The following VWF variants were observed in gnomAD, a reference collection of about 807,000 sequenced individuals.
VWF encodes the protein von Willebrand factor, also known as Factor VIII related antigen.
A neutral mutation model predicts 308.6 loss-of-function variants in VWF; 176 were observed. That is an observed-to-expected ratio of 0.57 (90% CI 0.50 to 0.65). The LOEUF (loss-of-function observed/expected upper bound fraction) is 0.65. Ranked by LOEUF, VWF falls within the 30% of genes least tolerant of loss-of-function variation. The probability of loss-of-function intolerance (pLI) is 0.00; values close to 1 mark genes in which losing one functional copy is unlikely to be tolerated. For synonymous variants in VWF, 1,385 were observed against 1,443.4 expected (o/e 0.96, Z 0.92); for missense variants, 3,146 against 3,648.2 (o/e 0.86, Z 3.55).
chr12:6,068,240 G>A (rs756905889), intron 10 of VWF, among the ~76,000 whole-genome samples: 14 of 151,572 alleles, frequency 9.2e-5, no homozygotes, highest in Non-Finnish European at 1.5e-4. Context: ...TCACCTAATG[G>A]AAGCACATTA....
Position 6,063,678 on chromosome 12 carries a change from G to A in VWF, c.1432+568C>T, listed in dbSNP as rs1008087694. On this transcript the variant is annotated intron_variant, in intron 12 of 51. Coordinates refer to ENST00000261405, the MANE Select transcript of VWF (RefSeq NM_000552.5). This position sits in a 1 kb window ranked among gnomAD's most constrained non-coding sequence, Gnocchi z 4.9. ...CAGCAGTTGTGGAGAAGAAGGAAGA[G>A]TCTGAGAGCCACTTTGAGTGTGAAG... 2.0e-5 allele frequency among the ~76,000 whole-genome samples: 3 copies of A among 152,226 alleles called. No homozygotes were observed. Among genetic ancestry groups the A allele is most frequent in the African/African-American group, 7.2e-5 (3 of 41,446 alleles).
At chr12:6,089,746 T>A (rs1202206545) in intron 6 of VWF, among the ~76,000 whole-genome samples, 1 of 152,016 alleles carries the variant, frequency 6.6e-6, no homozygotes, top group Non-Finnish European at 1.5e-5. Context: ...CAAAATAAAA[T>A]GAGACCAAAA....
intron 43 of VWF, among the ~76,000 whole-genome samples, chr12:5,974,597 A>G (rs1392008631): frequency 6.6e-6 from 1 of 152,192 alleles, no homozygotes; most frequent in East Asian, 1.9e-4. Flanking sequence ...CATGAAACAC[A>G]AAGACCAACT....
Position 6,075,418 on chromosome 12 carries a change from G to A in VWF, c.791C>T (p.Ala264Val), listed in dbSNP as rs1468418538. The change falls in exon 7 of 52, where the codon GCC becomes GTC. Residue 264 changes from alanine to valine, a missense_variant. Physicochemically the swap from Ala to Val is moderately conservative, Grantham distance 64 (BLOSUM62 0). Coordinates refer to ENST00000261405, the MANE Select transcript of VWF (RefSeq NM_000552.5). This position sits in a 1 kb window ranked among gnomAD's most constrained non-coding sequence, Gnocchi z 4.7. ...GGCGTACTCCAGGAGGGCAGGGCAGGCGCACTCCAGCCCCCCAGCACACTC... is the reference window on the plus strand; with the variant it reads ...GGCGTACTCCAGGAGGGCAGGGCAGACGCACTCCAGCCCCCCAGCACACTC... ...LCECAGGLEC[A>V]CPALLEYART... is the part of the protein sequence containing the mutation. The A allele has an allele frequency of 6.2e-7, 1 of 1,614,030 alleles. No individual in the cohort carries two copies. Among genetic ancestry groups the A allele is most frequent in the African/African-American group, 1.3e-5 (1 of 74,900 alleles).
intron 32 of VWF, among the ~76,000 whole-genome samples, chr12:6,012,392 C>T (rs562095723): frequency 7.2e-5 from 11 of 152,332 alleles, no homozygotes; most frequent in Non-Finnish European, 1.5e-4. Flanking sequence ...CTTACGCTGT[C>T]ATTATCTTGG....
At chr12:6,064,126 C>T in intron 12 of VWF, 120 bp downstream of exon 12, 11 of 1,526,500 alleles carry the variant, frequency 7.2e-6, no homozygotes, top group Admixed American at 1.7e-5. Context: ...AATAACTCTC[C>T]ATCACATTCC....
chr12:6,078,040 T>C (rs910935674), intron 6 of VWF, among the ~76,000 whole-genome samples: 1 of 152,026 alleles, frequency 6.6e-6, no homozygotes, highest in Non-Finnish European at 1.5e-5. Flanking sequence ...TGATGACCCC[T>C]ATCATCATCA....
Position 5,983,220 on chromosome 12 carries a change from C to G in VWF, c.7011G>C (p.Val2337=), listed in dbSNP as rs1191078422. ...CDPVSCDLPP[V]PHCERGLQPT... is the part of the protein sequence containing the mutation. ...GCTGGAGGCCACGTTCACAGTGAGG[C>G]ACTGGGGGCAGGTCACAGCTCACTG... Residue 2337 remains valine, a synonymous_variant, in exon 41 of 52, where the codon GTG becomes GTC. Coordinates refer to ENST00000261405, the MANE Select transcript of VWF (RefSeq NM_000552.5). The G allele has an allele frequency of 6.2e-7, 1 of 1,613,954 alleles. No individual in the cohort carries two copies. The highest frequency in any genetic ancestry group is 8.5e-7 in the Non-Finnish European group (1 of 1,180,004).
At chr12:6,025,314 T>G (rs945150274) in intron 24 of VWF, among the ~76,000 whole-genome samples, 66 of 152,342 alleles carry the variant, frequency 4.3e-4, no homozygotes, top group African/African-American at 1.6e-3. Flanking sequence ...AGACTGGGGC[T>G]GAAAGAGAAG....
chr12:6,092,614 T>TGAGAGAGAGAGAGAGAGAGAGA lies in VWF; in HGVS notation c.657+2845_657+2846insTCTCTCTCTCTCTCTCTCTCTC, dbSNP rs1555073700. The stretch of plus-strand genomic sequence containing the variant: ...CATGCCCAGCTAGTTAGTGAGTGAG[T>TGAGAGAGAGAGAGAGAGAGAGA]GAGAGTGTGTGTGTGTGTGTGTGTG... On this transcript the variant is annotated intron_variant, in intron 6 of 51. Transcript: ENST00000261405. Among the ~76,000 whole-genome samples, 113 of 86,018 alleles carry TGAGAGAGAGAGAGAGAGAGAGA rather than the reference T, an allele frequency of 1.3e-3. 5 individuals are homozygous for TGAGAGAGAGAGAGAGAGAGAGA. Among genetic ancestry groups the TGAGAGAGAGAGAGAGAGAGAGA allele is most frequent in the African/African-American group, 6.3e-3 (108 of 17,206 alleles). 56.4% of individuals were successfully genotyped at this position (86,018 alleles called of 152,430 possible).
intron 34 of VWF, among the ~76,000 whole-genome samples, chr12:6,005,186 A>T (rs992064903): frequency 1.3e-5 from 2 of 152,214 alleles, no homozygotes; most frequent in African/African-American, 4.8e-5. Flanking sequence ...GCCTTTAATG[A>T]CAAAATATTA....
intron 20 of VWF, among the ~76,000 whole-genome samples, chr12:6,034,227 C>T (rs1295651381): frequency 3.9e-5 from 6 of 152,200 alleles, no homozygotes; most frequent in Admixed American, 6.5e-5. Flanking sequence ...TTCAACCATC[C>T]CCCTGTCCAG....
rs216901 is a variant in VWF, at chr12:5,995,702, G to A, written c.6063+300C>T. On this transcript the variant is annotated intron_variant, in intron 35 of 51. Transcript: ENST00000261405. ...ATTGGACTCATAATACCTTCCGAGT[G>A]AACAATCCTGATGCCAATCCCAATT... Among the ~76,000 whole-genome samples the A allele has an allele frequency of 0.52, 78,592 of 152,000 alleles. 20,711 individuals are homozygous for A. Among genetic ancestry groups the A allele is most frequent in the East Asian group, 0.75 (3,861 of 5,166 alleles).
At chr12:6,003,779 ATGG>A (rs1185202040) in intron 34 of VWF, among the ~76,000 whole-genome samples, 1 of 148,724 alleles carries the variant, frequency 6.7e-6, no homozygotes, top group African/African-American at 2.5e-5. Flanking sequence ...GATGGTGGTG[ATGG>A]TTGCACAACA....
chr12:6,083,262 C>A (rs1170648060), intron 6 of VWF, among the ~76,000 whole-genome samples: 12 of 152,174 alleles, frequency 7.9e-5, no homozygotes, highest in Admixed American at 7.2e-4. Context: ...GATCCACCCA[C>A]CTCGGCCTCC....
intron 21 of VWF, 59 bp downstream of exon 21, chr12:6,031,385 C>T (rs1383571788): frequency 1.2e-6 from 2 of 1,613,770 alleles, no homozygotes; most frequent in African/African-American, 1.3e-5. Flanking sequence ...GGAAAATGTT[C>T]CTATTAAGTG....
At chr12:6,031,731 G>C (rs754734461) in intron 20 of VWF, among the ~76,000 whole-genome samples, 153 bp from the exon 21 acceptor site, 5 of 151,878 alleles carry the variant, frequency 3.3e-5, no homozygotes, top group African/African-American at 4.8e-5. Context: ...TGTGTGTCTG[G>C]GGGACGGGGG....
chr12:6,073,963 C>T (rs1413819775), intron 7 of VWF, among the ~76,000 whole-genome samples: 3 of 152,134 alleles, frequency 2.0e-5, no homozygotes, highest in African/African-American at 2.4e-5. Flanking sequence ...CAAGACCCAT[C>T]GGGGGCACCC....
At chr12:5,979,038 T>A (rs1405419263) in intron 42 of VWF, among the ~76,000 whole-genome samples, 1 of 151,956 alleles carries the variant, frequency 6.6e-6, no homozygotes, top group Admixed American at 6.6e-5. Flanking sequence ...CAAAAAAAAA[T>A]AAAGTTTACA....
Sources: gnomAD v4.1 joint callset for allele counts (sites outside exome capture counted in the v4.1 genomes callset) on GRCh38, gnomAD v4.1.1 for gene constraint, Gnocchi (gnomAD v3.1) non-coding constraint, MANE v1.5 for transcripts, NCBI Gene and HGNC (gene_info 2026-07-23, HGNC 2026-07-21) for gene names.